Variants in TMED3 observed in about 807,000 individuals in gnomAD.
TMED3 encodes the protein transmembrane emp24 domain-containing protein 3.
A neutral mutation model predicts 15.0 loss-of-function variants in TMED3; 9 were observed. The ratio of observed to expected loss-of-function variants is 0.60; its 90% CI spans 0.36 to 1.04. The LOEUF (loss-of-function observed/expected upper bound fraction) is 1.04, where lower values mean the gene tolerates loss of function less well. Ranked by LOEUF, TMED3 falls within the 50% of genes least tolerant of loss-of-function variation. TMED3 has a pLI of 0.01. For synonymous variants in TMED3, 117 were observed against 121.4 expected (o/e 0.96, Z 0.24); for missense variants, 267 against 278.9 (o/e 0.96, Z 0.30).
chr15:79,407,101 T>C (rs1456614375), intron 2 of TMED3, among the ~76,000 whole-genome samples: 2 of 152,190 alleles, frequency 1.3e-5, no homozygotes, highest in African/African-American at 2.4e-5. Context: ...TGAGTCCTTC[T>C]TACATTTCCA....
chr15:79,311,600 C>T (rs1236456683), intron 1 of TMED3, among the ~76,000 whole-genome samples, 183 bp downstream of exon 1: 1 of 152,142 alleles, frequency 6.6e-6, no homozygotes, highest in African/African-American at 2.4e-5. Flanking sequence ...TCATCAGGGC[C>T]CACCCGAGAC....
intron 2 of TMED3, among the ~76,000 whole-genome samples, chr15:79,320,658 T>C (rs2058762478): frequency 6.6e-6 from 1 of 152,226 alleles, no homozygotes; most frequent in Admixed American, 6.5e-5. Flanking sequence ...TTTCTAGGTC[T>C]TGGATACATG....
At chr15:79,406,445 C>T (rs1422690183) in intron 2 of TMED3, among the ~76,000 whole-genome samples, 1 of 152,204 alleles carries the variant, frequency 6.6e-6, no homozygotes, top group Non-Finnish European at 1.5e-5. Context: ...TCCCCATCCC[C>T]ACTCTAACTG....
At chr15:79,338,405 C>CT (rs1485323868) in intron 2 of TMED3, among the ~76,000 whole-genome samples, 1 of 152,130 alleles carries the variant, frequency 6.6e-6, no homozygotes, top group Non-Finnish European at 1.5e-5. Context: ...ATTGCCCTGG[C>CT]TTCACCTCTT....
At chr15:79,402,046 T>C (rs547519655) in intron 2 of TMED3, among the ~76,000 whole-genome samples, 139 of 152,228 alleles carry the variant, frequency 9.1e-4, no homozygotes, top group African/African-American at 3.1e-3. Context: ...CAAAGGCTTT[T>C]GGGAAGATGG....
At chr15:79,329,527 C>T (rs764977877) in intron 2 of TMED3, among the ~76,000 whole-genome samples, 10 of 152,252 alleles carry the variant, frequency 6.6e-5, no homozygotes, top group Non-Finnish European at 1.2e-4. Flanking sequence ...TATAACTGCC[C>T]TGCTGACATT....
chr15:79,371,258 T>C (rs58408496), intron 2 of TMED3, among the ~76,000 whole-genome samples: 5,051 of 152,206 alleles, frequency 0.033, 270 homozygotes, highest in African/African-American at 0.11. Flanking sequence ...TACCAATGAG[T>C]TTTATATCTA....
chr15:79,376,092 G>GT lies in TMED3; in HGVS notation c.418-35273dup, dbSNP rs199728545. 2.1e-3 allele frequency among the ~76,000 whole-genome samples: 239 copies of GT among 112,060 alleles called. 23 individuals are homozygous for GT. The highest frequency in any genetic ancestry group is 7.2e-3 in the African/African-American group (199 of 27,468). 73.5% of individuals were successfully genotyped at this position (112,060 alleles called of 152,430 possible). A position where few individuals can be genotyped will look rare whatever the true frequency, so the allele number is the denominator to read the frequency against. On this transcript the variant is annotated intron_variant, in intron 2 of 2. Coordinates refer to the TMED3 transcript ENST00000424155. Reference sequence around the variant, plus strand: ...CTTACTTCATCTATTCTAGAGAAAGGTTTTTTTTTTTTTTTTTTTTTTTTT... The same window carrying GT: ...CTTACTTCATCTATTCTAGAGAAAGGTTTTTTTTTTTTTTTTTTTTTTTTTT...
chr15:79,404,224 A>T (rs1239569893), intron 2 of TMED3, among the ~76,000 whole-genome samples: 2 of 152,222 alleles, frequency 1.3e-5, no homozygotes, highest in East Asian at 3.8e-4. Context: ...ATTAGGTGAC[A>T]ATTCCCTGTT....
At chr15:79,400,519 A>C (rs539879555) in intron 2 of TMED3, among the ~76,000 whole-genome samples, 1 of 152,214 alleles carries the variant, frequency 6.6e-6, no homozygotes, top group South Asian at 2.1e-4. Context: ...TTAAATGAAC[A>C]ATGCGAAAAT....
At chr15:79,319,143 A>C (rs1232093531) in intron 2 of TMED3, among the ~76,000 whole-genome samples, 1 of 152,206 alleles carries the variant, frequency 6.6e-6, no homozygotes, top group African/African-American at 2.4e-5. Flanking sequence ...GAGCTGGTGT[A>C]CCCAGTCTAA....
intron 2 of TMED3, among the ~76,000 whole-genome samples, chr15:79,363,650 TAC>T (rs1390859158): frequency 2.0e-5 from 3 of 152,188 alleles, no homozygotes; most frequent in Non-Finnish European, 4.4e-5. Context: ...CTAAAACAAT[TAC>T]AGTTTACAAC....
intron 2 of TMED3, among the ~76,000 whole-genome samples, chr15:79,380,552 T>TATATATA (rs1893510850): frequency 6.8e-6 from 1 of 146,488 alleles, no homozygotes; most frequent in Admixed American, 6.9e-5. Context: ...TATATATAGT[T>TATATATA]GTATATATGT....
chr15:79,337,303 C>A (rs549099006), intron 2 of TMED3, among the ~76,000 whole-genome samples: 1 of 152,120 alleles, frequency 6.6e-6, no homozygotes, highest in African/African-American at 2.4e-5. Context: ...CCTAATTTCC[C>A]CTTTATATAA....
chr15:79,360,411 C>G (rs139000077), intron 2 of TMED3, among the ~76,000 whole-genome samples: 1 of 152,204 alleles, frequency 6.6e-6, no homozygotes, highest in Non-Finnish European at 1.5e-5. Flanking sequence ...GGTCACATAG[C>G]TACTGTCTTC....
At chr15:79,411,440 T>G (rs1567042253) in exon 3 of TMED3, 2 of 702,498 alleles carry the variant, frequency 2.8e-6, no homozygotes, top group Non-Finnish European at 5.2e-6. Context: ...GACAAGATGG[T>G]CGACTATATG....
chr15:79,402,310 T>C (rs1011767038), intron 2 of TMED3, among the ~76,000 whole-genome samples: 1 of 152,190 alleles, frequency 6.6e-6, no homozygotes, highest in Non-Finnish European at 1.5e-5. Flanking sequence ...CTTTGTCCAG[T>C]CCCCAGGTTA....
intron 2 of TMED3, among the ~76,000 whole-genome samples, chr15:79,389,383 G>A (rs576354181): frequency 1.3e-5 from 2 of 152,086 alleles, no homozygotes; most frequent in South Asian, 2.1e-4. Context: ...TTGCTTTGTC[G>A]AAGATCAGTT....
At chr15:79,314,775 C>T (rs979717650) in intron 2 of TMED3, 4 of 265,482 alleles carry the variant, frequency 1.5e-5, no homozygotes, top group Admixed American at 8.0e-5. Flanking sequence ...TCATGTCTGT[C>T]GCCCATGGCT....
Sources: allele counts gnomAD v4.1 joint callset (sites outside exome capture counted in the v4.1 genomes callset), GRCh38; gene constraint gnomAD v4.1.1; transcripts MANE v1.5; gene names NCBI Gene and HGNC (gene_info 2026-07-23, HGNC 2026-07-21).